The following IKZF2 variants were observed in gnomAD, a reference collection of about 807,000 sequenced individuals.
IKZF2 encodes the protein IKAROS family zinc finger 2, also known as zinc finger protein Helios.
In IKZF2, 15 loss-of-function variants were observed where a neutral mutation model predicts 49.2. The ratio of observed to expected loss-of-function variants is 0.30; its 90% confidence interval spans 0.20 to 0.47. IKZF2 has a LOEUF of 0.47. Ranked by LOEUF, IKZF2 falls within the 20% of genes least tolerant of loss-of-function variation. The probability of loss-of-function intolerance (pLI) is 1.00; values close to 1 mark genes in which losing one functional copy is unlikely to be tolerated. For missense variants in IKZF2, 567 were observed against 664.6 expected, an observed-to-expected ratio of 0.85 and a Z score of 1.61; for synonymous variants, 227 against 221.4, an observed-to-expected ratio of 1.03 and a Z score of -0.23.
Position 213,003,983 on chromosome 2 carries a change from T to C in IKZF2, c.*3377A>G, listed in dbSNP as rs1207872648. The C allele has an allele frequency of 6.6e-6, 1 of 151,830 alleles. No individual in the cohort carries two copies. The highest frequency in any genetic ancestry group is 6.6e-5 in the Admixed American group (1 of 15,206). 9.4% of individuals were successfully genotyped at this position (151,830 alleles called of 1,614,324 possible). A position where few individuals can be genotyped will look rare whatever the true frequency, so the allele number is the denominator to read the frequency against. ...GGACCCAAAGTTTTAGTTTAAGAGT[T>C]GCCACTGGTCCTAAAGACACACTAG... On this transcript the variant is annotated 3_prime_UTR_variant, in exon 9 of 9. Transcript: ENST00000434687.
chr2:213,090,164 G>A (rs1705135493), intron 4 of IKZF2, among the ~76,000 whole-genome samples: 1 of 152,190 alleles, frequency 6.6e-6, no homozygotes, highest in African/African-American at 2.4e-5. Flanking sequence ...GTTAGTGACA[G>A]CTGAGAGAAT....
At chr2:213,149,257 G>C (rs577693741) in intron 2 of IKZF2, among the ~76,000 whole-genome samples, 132 of 152,028 alleles carry the variant, frequency 8.7e-4, no homozygotes, top group Non-Finnish European at 1.2e-3. Context: ...TTAATTTCCT[G>C]CCAGACCATG....
intron 4 of IKZF2, among the ~76,000 whole-genome samples, chr2:213,073,086 T>G (rs543798989): frequency 6.6e-6 from 1 of 152,286 alleles, no homozygotes; most frequent in East Asian, 1.9e-4. Context: ...TGTAAATATT[T>G]TACTTAAAAA....
At chr2:213,024,317 C>T (rs577800725) in intron 6 of IKZF2, among the ~76,000 whole-genome samples, 2 of 152,242 alleles carry the variant, frequency 1.3e-5, no homozygotes, top group East Asian at 3.9e-4. Context: ...TATCCTTTTA[C>T]CTCTCTCATT....
intron 4 of IKZF2, among the ~76,000 whole-genome samples, chr2:213,090,681 A>T (rs1157976915): frequency 6.6e-6 from 1 of 152,194 alleles, no homozygotes; most frequent in Non-Finnish European, 1.5e-5. Context: ...GTGTCCTTAC[A>T]AAAAGGGAAA....
chr2:213,016,512 G>A (rs950509344), intron 7 of IKZF2, among the ~76,000 whole-genome samples: 2 of 151,982 alleles, frequency 1.3e-5, no homozygotes, highest in South Asian at 2.1e-4. Context: ...ATGGATCTGG[G>A]TGCAACTCAT....
intron 4 of IKZF2, among the ~76,000 whole-genome samples, chr2:213,108,714 A>G (rs991322892): frequency 6.6e-6 from 1 of 152,200 alleles, no homozygotes; most frequent in Non-Finnish European, 1.5e-5. Context: ...TACTCATCCT[A>G]CAATTCAATC....
In IKZF2 at chr2:213,093,374, A is replaced by G. The variant is rs1287032368; in HGVS notation, c.140-36275T>C. ...TTTGGTGAACATATTATAAAAGCCA[A>G]CTTTTTCCTGCTGCGGGGCCTTTGC... On this transcript the variant is annotated intron_variant, in intron 4 of 8. Coordinates refer to ENST00000434687, the MANE Select transcript of IKZF2 (RefSeq NM_001387220.1). 2.6e-5 allele frequency among the ~76,000 whole-genome samples: 4 copies of G among 152,224 alleles called. No homozygotes were observed. In the East Asian group the frequency reaches 7.7e-4, roughly 29 times the overall value.
chr2:213,054,783 G>A (rs1460835839), intron 5 of IKZF2, among the ~76,000 whole-genome samples: 1 of 152,168 alleles, frequency 6.6e-6, no homozygotes, highest in East Asian at 1.9e-4. Context: ...AGTTGAGTGA[G>A]TCTCGTATTC....
chr2:213,127,467 C>G (rs1244480145), intron 4 of IKZF2, among the ~76,000 whole-genome samples: 1 of 152,058 alleles, frequency 6.6e-6, no homozygotes, highest in Non-Finnish European at 1.5e-5. Flanking sequence ...TACTATTTTC[C>G]AAAAAGAAAA....
At chr2:213,103,664 G>T (rs77421108) in intron 4 of IKZF2, among the ~76,000 whole-genome samples, 1,606 of 152,162 alleles carry the variant, frequency 0.011, 14 homozygotes, top group Non-Finnish European at 0.015. Context: ...TGTTTGTTTT[G>T]TAAACTTTGA....
intron 4 of IKZF2, among the ~76,000 whole-genome samples, chr2:213,085,012 C>T (rs73077251): frequency 0.054 from 8,244 of 152,210 alleles, 488 homozygotes; most frequent in African/African-American, 0.16. Context: ...ACTTCTATTA[C>T]GCTGTACGCT....
intron 4 of IKZF2, among the ~76,000 whole-genome samples, chr2:213,118,926 G>C (rs558280595): frequency 1.3e-5 from 2 of 152,272 alleles, no homozygotes; most frequent in East Asian, 1.9e-4. Flanking sequence ...CCAATTTCTA[G>C]AGACATCTCT....
chr2:213,128,616 A>G (rs1363578046), intron 4 of IKZF2, among the ~76,000 whole-genome samples: 2 of 145,006 alleles, frequency 1.4e-5, no homozygotes, highest in East Asian at 3.9e-4. Context: ...TCAGAAGATA[A>G]GGTTTTGTTG....
At chr2:213,146,750 T>C (rs1171938231) in intron 4 of IKZF2, among the ~76,000 whole-genome samples, 2 of 34,806 alleles carry the variant, frequency 5.7e-5, no homozygotes, top group Non-Finnish European at 1.2e-4. Context: ...TTCTTAGTTA[T>C]TAAATCTTCG....
intron 4 of IKZF2, among the ~76,000 whole-genome samples, chr2:213,059,876 T>C (rs2125404985): frequency 6.6e-6 from 1 of 151,560 alleles, no homozygotes; most frequent in African/African-American, 2.4e-5. Context: ...AAAAAATGTA[T>C]ATTTTGCTAA....
At chr2:213,107,796 G>T (rs2059580585) in intron 4 of IKZF2, among the ~76,000 whole-genome samples, 1 of 152,106 alleles carries the variant, frequency 6.6e-6, no homozygotes. Context: ...ACATTTTAGA[G>T]AACTATCAAG....
intron 4 of IKZF2, among the ~76,000 whole-genome samples, chr2:213,120,572 T>C (rs2060021674): frequency 6.6e-6 from 1 of 152,216 alleles, no homozygotes; most frequent in South Asian, 2.1e-4. Flanking sequence ...AAAGAGCTTA[T>C]TAGACTGCAT....
chr2:213,134,003 T>C (rs918185293), intron 4 of IKZF2, among the ~76,000 whole-genome samples: 4 of 152,212 alleles, frequency 2.6e-5, no homozygotes, highest in African/African-American at 7.2e-5. Flanking sequence ...ATGATACACA[T>C]GTAAAGTTTA....
Sources: gnomAD v4.1 joint callset for allele counts (sites outside exome capture counted in the v4.1 genomes callset) on GRCh38, gnomAD v4.1.1 for gene constraint, MANE v1.5 for transcripts, NCBI Gene and HGNC (gene_info 2026-07-23, HGNC 2026-07-21) for gene names.